ANKRD26: variants seen among roughly 807,000 people sequenced by gnomAD.
ANKRD26 encodes ankyrin repeat domain 26.
A neutral mutation model predicts 208.7 loss-of-function variants in ANKRD26; 141 were observed. The ratio of observed to expected loss-of-function variants is 0.68; its 90% confidence interval spans 0.59 to 0.78. The LOEUF is 0.78. Among genes scored for constraint, ANKRD26 ranks in the 30% least tolerant of loss-of-function variants. ANKRD26 has a pLI of 0.00. For synonymous variants in ANKRD26, 636 were observed against 660.4 expected (o/e 0.96, Z 0.57); for missense variants, 1,889 against 1,938.7 (o/e 0.97, Z 0.48).
intron 5 of ANKRD26, among the ~76,000 whole-genome samples, chr10:26,992,361 G>T (rs1181727760): frequency 6.6e-6 from 1 of 151,422 alleles, no homozygotes; most frequent in Non-Finnish European, 1.5e-5. Context: ...CTTGTCCCTT[G>T]TCGCCAGGAT....
chr10:27,034,888 G>A lies in ANKRD26; in HGVS notation c.3562C>T (p.Leu1188=). The A allele has an allele frequency of 6.2e-7, 1 of 1,613,682 alleles. No homozygotes were observed. The highest frequency in any genetic ancestry group is 8.5e-7 in the Non-Finnish European group (1 of 1,179,880). ...AACTCCTTATTTCTTTCTTCTAGCA[G>A]AAGACTTTGCTTTTCACTCTCAGCT... is the stretch of plus-strand genomic sequence containing the variant. ...LQAESEKQSL[L]LEERNKELIS... The change falls in exon 24 of 34, where the codon CTG becomes TTG. Residue 1188 remains leucine (L), a synonymous_variant. Coordinates refer to ENST00000376087, the MANE Select transcript of ANKRD26 (RefSeq NM_014915.3).
the ANKRD26 span, among the ~76,000 whole-genome samples, chr10:26,960,294 C>T: frequency 1.8e-4 from 28 of 152,236 alleles, no homozygotes; most frequent in African/African-American, 6.5e-4. Context: ...CAGCTTTTGC[C>T]TTGGCTTCTT....
At position 27,040,311 on chromosome 10, in the gene ANKRD26, T is replaced by C; in HGVS notation, c.2162-133A>G. 5 of 697,084 alleles carry C rather than the reference T, an allele frequency of 7.2e-6. No homozygotes were observed. In the South Asian group the frequency reaches 9.0e-5, roughly 12 times the overall value. The allele number at this position is 697,084 out of a possible 1,614,324, so 43.2% of individuals were successfully genotyped here. On this transcript the variant is annotated intron_variant, in intron 20 of 33. Coordinates refer to ENST00000376087, the MANE Select transcript of ANKRD26 (RefSeq NM_014915.3). ...GCCTACAATGTGGAAGACATTAAAC[T>C]AAGCTCTGAAGATAAAACAGGCAAG... is the stretch of plus-strand genomic sequence containing the variant.
the ANKRD26 span, among the ~76,000 whole-genome samples, chr10:26,958,420 G>C: frequency 6.6e-6 from 1 of 152,050 alleles, no homozygotes; most frequent in East Asian, 1.9e-4. Context: ...ACATCCATTA[G>C]CTATTCTTGC....
chr10:27,100,417 G>A lies in ANKRD26; in HGVS notation c.-91C>T. The A allele has an allele frequency of 6.4e-7, 1 of 1,555,682 alleles. No individual in the cohort carries two copies. Among genetic ancestry groups the A allele is most frequent in the Non-Finnish European group, 8.6e-7 (1 of 1,158,938 alleles). ...CAACATAACAAGTCAGCCCCGGCTG[G>A]CCGCAGCCTCCCAAAGGAAACTCCG... On this transcript the variant is annotated 5_prime_UTR_variant, in exon 1 of 34. Coordinates refer to ENST00000376087, the MANE Select transcript of ANKRD26 (RefSeq NM_014915.3).
downstream of ANKRD26, among the ~76,000 whole-genome samples, chr10:26,990,384 A>G (rs2052464655): frequency 6.6e-6 from 1 of 152,130 alleles, no homozygotes; most frequent in Non-Finnish European, 1.5e-5. Flanking sequence ...AAAAAGGAAA[A>G]CTAAATTTAA....
In ANKRD26 at chr10:27,005,599, A is replaced by C; in HGVS notation, c.5124T>G (p.Tyr1708Ter). 1 of 1,610,112 alleles carries C rather than the reference A, an allele frequency of 6.2e-7. No homozygotes were observed. Residue 1708 changes from tyrosine to a stop codon, truncating the protein, a stop_gained, in exon 34 of 34, where the codon TAT (tyrosine) becomes TAG (stop). Transcript: ENST00000376087. LOFTEE classifies it high-confidence loss of function. The stretch of plus-strand genomic sequence containing the variant: ...AATAAAATCTTATCTTTCAGATCAT[A>C]TAATTTTTCTTTAAAACCTGTACAT... ...REYVQVLKKNYMI is the reference protein window; with the variant it reads ...REYVQVLKKN
intron 9 of ANKRD26, among the ~76,000 whole-genome samples, chr10:27,072,824 G>C (rs1279725468): frequency 6.6e-6 from 1 of 152,118 alleles, no homozygotes; most frequent in Non-Finnish European, 1.5e-5. Context: ...TACTACAGCT[G>C]GCATTTGAAA....
At chr10:27,071,290 C>G (rs1475359695) in intron 9 of ANKRD26, among the ~76,000 whole-genome samples, 4 of 150,334 alleles carry the variant, frequency 2.7e-5, no homozygotes, top group Non-Finnish European at 5.9e-5. Context: ...CTCAGCCTCC[C>G]GAGGAGCTGG....
Position 27,035,583 on chromosome 10 carries a change from A to T in ANKRD26, c.2867T>A (p.Leu956His). 1 of 1,611,906 alleles carries T rather than the reference A, an allele frequency of 6.2e-7. No homozygotes were observed. The highest frequency in any genetic ancestry group is 1.7e-5 in the Admixed American group (1 of 59,708). The change falls in exon 24 of 34, where the codon CTT becomes CAT. Residue 956 changes from leucine (L) to histidine (H), a missense_variant. Around this residue, in one of 3 missense-constraint regions of ANKRD26, gnomAD observed 1,272 missense variants for 1,273.8 expected, o/e 1.00. Transcript: ENST00000376087. ...LKIVKEKNED[L>H]QKTIKQNEET... ...CTCATTCTGTTTTATAGTCTTCTGA[A>T]GGTCTTCATTCTTTTCTTTTACAAT...
downstream of ANKRD26, among the ~76,000 whole-genome samples, chr10:26,972,043 G>C (rs969769238): frequency 1.3e-5 from 2 of 152,040 alleles, no homozygotes; most frequent in Non-Finnish European, 2.9e-5. Flanking sequence ...AGACCATCCT[G>C]GCTAACACGG....
At chr10:26,993,885 A>T (rs1225418360) in intron 5 of ANKRD26, among the ~76,000 whole-genome samples, 1 of 152,132 alleles carries the variant, frequency 6.6e-6, no homozygotes, top group Admixed American at 6.6e-5. Flanking sequence ...CCATTGTAGA[A>T]ACAGGTTTGT....
At position 27,100,321 on chromosome 10, in the gene ANKRD26, C is replaced by T. The variant is rs755937494; in HGVS notation, c.6G>A (p.Lys2=). Residue 2 remains lysine (K), a synonymous_variant, in exon 1 of 34, where the codon AAG becomes AAA. Transcript: ENST00000376087. ...ACTCGCCCTTCTTACTAAAAATCTT[C>T]TTCATGGCCCAGGCGACCGGGCTTC... M[K]KIFSKKGESP... The T allele has an allele frequency of 3.1e-6, 5 of 1,607,634 alleles. No individual in the cohort carries two copies. The Admixed American group carries it at 5.0e-5, about 16-fold the overall frequency.
intron 23 of ANKRD26, among the ~76,000 whole-genome samples, chr10:27,036,900 T>C (rs566119586): frequency 1.2e-3 from 182 of 152,240 alleles, no homozygotes; most frequent in African/African-American, 4.2e-3. Flanking sequence ...GGTTTTGAGA[T>C]TGTGGAAAGA....
chr10:27,062,258 TCTC>T (rs2055085033), intron 12 of ANKRD26: 1 of 953,626 alleles, frequency 1.0e-6, no homozygotes, highest in African/African-American at 1.8e-5. Context: ...CTTTGTTTCT[TCTC>T]CTCTGGAAGA....
chr10:27,094,087 C>A (rs1282342820), intron 1 of ANKRD26, among the ~76,000 whole-genome samples: 2 of 152,084 alleles, frequency 1.3e-5, no homozygotes. Context: ...TCTTAAGGGG[C>A]TTTTCCCTCT....
the ANKRD26 span, among the ~76,000 whole-genome samples, chr10:26,956,827 G>A: frequency 6.6e-6 from 1 of 152,152 alleles, no homozygotes; most frequent in South Asian, 2.1e-4. Context: ...AGAATTATTT[G>A]ATGGAAATGC....
Position 27,093,290 on chromosome 10 carries a change from G to A in ANKRD26, c.531+59C>T. On this transcript the variant is annotated intron_variant, in intron 3 of 33. Coordinates refer to ENST00000376087, the MANE Select transcript of ANKRD26 (RefSeq NM_014915.3). ...ATACAGAAAACTAACCCTTACATATGTCACTGTTGAAACAAACGCATTTCA... is the reference window on the plus strand; with the variant it reads ...ATACAGAAAACTAACCCTTACATATATCACTGTTGAAACAAACGCATTTCA... 7 of 1,505,394 alleles carry A rather than the reference G, an allele frequency of 4.6e-6. No homozygotes were observed. In the South Asian group the frequency reaches 8.1e-5, roughly 17 times the overall value. 93.3% of individuals were successfully genotyped at this position (1,505,394 alleles called of 1,614,324 possible).
chr10:26,958,743 C>G, the ANKRD26 span, among the ~76,000 whole-genome samples: 64 of 149,536 alleles, frequency 4.3e-4, no homozygotes, highest in African/African-American at 1.5e-3. Flanking sequence ...CCATGACTCT[C>G]TATTGTAAAC....
Sources: gnomAD v4.1 joint callset for allele counts (sites outside exome capture counted in the v4.1 genomes callset) on GRCh38, gnomAD v4.1.1 for gene constraint, gnomAD v4.1.1 regional missense constraint, MANE v1.5 for transcripts, NCBI Gene and HGNC (gene_info 2026-07-23, HGNC 2026-07-21) for gene names.